GALNT13: variants seen among roughly 807,000 people sequenced by gnomAD.
GALNT13 encodes polypeptide N-acetylgalactosaminyltransferase 13.
Under a neutral mutation model 64.2 loss-of-function variants are expected in GALNT13, and 28 were observed. The ratio of observed to expected loss-of-function variants is 0.44; its 90% CI spans 0.32 to 0.60. The LOEUF is 0.60. GALNT13 is among the 20% of genes least tolerant of loss of function. The probability of loss-of-function intolerance (pLI) is 0.05; values close to 1 mark genes in which losing one functional copy is unlikely to be tolerated. For synonymous variants in GALNT13, 214 were observed against 224.6 expected (o/e 0.95, Z 0.42); for missense variants, 577 against 669.8 (o/e 0.86, Z 1.53).
At chr2:154,382,440 T>C (rs1191954547) in intron 9 of GALNT13, among the ~76,000 whole-genome samples, 1 of 152,102 alleles carries the variant, frequency 6.6e-6, no homozygotes, top group Middle Eastern at 3.2e-3. Flanking sequence ...GAAGTGTATC[T>C]TATGTATGCA....
the GALNT13 span, among the ~76,000 whole-genome samples, chr2:153,682,104 A>G: frequency 8.6e-5 from 13 of 151,684 alleles, no homozygotes; most frequent in Admixed American, 6.6e-5. Context: ...GTGCTATTTG[A>G]CTTTGGAGAA....
intron 9 of GALNT13, among the ~76,000 whole-genome samples, chr2:154,303,781 C>T (rs756590652): frequency 2.0e-5 from 3 of 148,954 alleles, no homozygotes; most frequent in African/African-American, 5.0e-5. Context: ...TTTTTTGAGT[C>T]GGAGTCTAAC....
intron 9 of GALNT13, among the ~76,000 whole-genome samples, chr2:154,384,677 C>G (rs1197805342): frequency 6.6e-6 from 1 of 151,790 alleles, no homozygotes; most frequent in Non-Finnish European, 1.5e-5. Flanking sequence ...TGCAGGATGA[C>G]TCTTTTGAAT....
intron 10 of GALNT13, among the ~76,000 whole-genome samples, chr2:154,402,422 A>G (rs1045260478): frequency 6.6e-6 from 1 of 152,214 alleles, no homozygotes; most frequent in East Asian, 1.9e-4. Flanking sequence ...TTCAAACATC[A>G]AAACACAAGG....
At chr2:153,091,440 C>A in the GALNT13 span, among the ~76,000 whole-genome samples, 1 of 152,176 alleles carries the variant, frequency 6.6e-6, no homozygotes. Context: ...CAGGTTTTCC[C>A]CATCTCACAC....
the GALNT13 span, among the ~76,000 whole-genome samples, chr2:153,748,676 C>T: frequency 6.6e-6 from 1 of 151,506 alleles, no homozygotes; most frequent in South Asian, 2.1e-4. Context: ...GTTGTTAATC[C>T]CTTGTCAGAT....
chr2:154,379,033 G>A (rs1038989636), intron 9 of GALNT13, among the ~76,000 whole-genome samples: 8 of 151,800 alleles, frequency 5.3e-5, no homozygotes, highest in African/African-American at 1.9e-4. Context: ...CCATAATAAC[G>A]GCAGTAATTT....
chr2:153,277,087 T>C, the GALNT13 span, among the ~76,000 whole-genome samples: 1 of 152,194 alleles, frequency 6.6e-6, no homozygotes, highest in Non-Finnish European at 1.5e-5. Flanking sequence ...AAGAGGTACA[T>C]GTGCTGGTAT....
intron 8 of GALNT13, among the ~76,000 whole-genome samples, chr2:154,284,979 G>C (rs1469625933): frequency 6.6e-6 from 1 of 152,056 alleles, no homozygotes; most frequent in Non-Finnish European, 1.5e-5. Flanking sequence ...TTAATGATTA[G>C]TGATGTTTCA....
At chr2:153,681,741 T>C in the GALNT13 span, among the ~76,000 whole-genome samples, 1 of 151,748 alleles carries the variant, frequency 6.6e-6, no homozygotes, top group African/African-American at 2.4e-5. Context: ...TCAGCATTAT[T>C]TTCCCCCGCA....
chr2:154,448,517 G>A (rs966654782), intron 12 of GALNT13, among the ~76,000 whole-genome samples: 2 of 152,022 alleles, frequency 1.3e-5, no homozygotes, highest in Non-Finnish European at 2.9e-5. Context: ...AGTCTAAAAG[G>A]TCTGGTTTTC....
At chr2:153,273,884 A>G in the GALNT13 span, among the ~76,000 whole-genome samples, 2 of 152,194 alleles carry the variant, frequency 1.3e-5, no homozygotes, top group Admixed American at 1.3e-4. Flanking sequence ...TCCTTATTGT[A>G]TTTCTAATTA....
intron 3 of GALNT13, among the ~76,000 whole-genome samples, chr2:154,095,994 C>T (rs1228937066): frequency 1.3e-5 from 2 of 151,772 alleles, no homozygotes; most frequent in Non-Finnish European, 2.9e-5. Flanking sequence ...GACAAAGTAG[C>T]GATATGAAGT....
At chr2:153,530,597 A>G in the GALNT13 span, among the ~76,000 whole-genome samples, 1 of 152,150 alleles carries the variant, frequency 6.6e-6, no homozygotes, top group Non-Finnish European at 1.5e-5. Context: ...AACTGGAGCA[A>G]TCACATTACC....
At chr2:153,887,733 A>AGCCATCTTGCATTT (rs1293299269) in intron 1 of GALNT13, among the ~76,000 whole-genome samples, 2 of 151,996 alleles carry the variant, frequency 1.3e-5, no homozygotes, top group Non-Finnish European at 2.9e-5. Context: ...GTTAAGTGAC[A>AGCCATCTTGCATTT]GCCATCTTGC....
chr2:153,326,993 A>G, the GALNT13 span, among the ~76,000 whole-genome samples: 1 of 152,176 alleles, frequency 6.6e-6, no homozygotes, highest in Non-Finnish European at 1.5e-5. Context: ...CTGAGGCAGG[A>G]GAATCGCTTG....
chr2:154,242,220 G>GT, intron 5 of GALNT13, 24 bp downstream of exon 5: 1 of 1,594,852 alleles, frequency 6.3e-7, no homozygotes. Context: ...TTTTGTTTTT[G>GT]TTTTTGTTTT....
the GALNT13 span, among the ~76,000 whole-genome samples, chr2:153,592,298 A>G: frequency 4.6e-5 from 7 of 152,182 alleles, no homozygotes; most frequent in Non-Finnish European, 8.8e-5. Context: ...GAACAAAAAA[A>G]TGTAACTGTA....
intron 8 of GALNT13, among the ~76,000 whole-genome samples, chr2:154,266,780 T>A (rs1462177758): frequency 1.3e-5 from 2 of 151,626 alleles, no homozygotes; most frequent in African/African-American, 4.8e-5. Flanking sequence ...GTATTGTATT[T>A]ACTTAACTAT....
Sources: allele counts gnomAD v4.1 joint callset (sites outside exome capture counted in the v4.1 genomes callset), GRCh38; gene constraint gnomAD v4.1.1; transcripts MANE v1.5; gene names NCBI Gene and HGNC (gene_info 2026-07-23, HGNC 2026-07-21).